The following PIGL variants were observed in gnomAD, a reference collection of about 807,000 sequenced individuals.
The protein encoded by PIGL is N-acetylglucosaminyl-phosphatidylinositol de-N-acetylase.
PIGL carries 22 observed loss-of-function variants against 31.1 expected under a neutral mutation model. The observed-to-expected ratio is 0.71, with a 90% confidence interval of 0.51 to 1.01. The LOEUF is 1.01. PIGL is among the 50% of genes least tolerant of loss of function. The pLI is 0.00. For synonymous variants in PIGL, 131 were observed against 117.4 expected, an observed-to-expected ratio of 1.12 and a Z score of -0.75; for missense variants, 302 against 315.9, an observed-to-expected ratio of 0.96 and a Z score of 0.33.
At chr17:16,247,804 A>C (rs1272450728) in intron 2 of PIGL, among the ~76,000 whole-genome samples, 1 of 152,068 alleles carries the variant, frequency 6.6e-6, no homozygotes, top group African/African-American at 2.4e-5. Context: ...GGTTGATTAC[A>C]TGTGTGGTTC....
At chr17:16,322,291 G>A (rs1448750409) in intron 6 of PIGL, among the ~76,000 whole-genome samples, 2 of 151,146 alleles carry the variant, frequency 1.3e-5, no homozygotes, top group South Asian at 2.1e-4. Flanking sequence ...ACTGGGTTTC[G>A]CCATGTTTGG....
At chr17:16,311,151 C>G (rs1428393588) in intron 3 of PIGL, among the ~76,000 whole-genome samples, 1 of 152,152 alleles carries the variant, frequency 6.6e-6, no homozygotes, top group Non-Finnish European at 1.5e-5. Flanking sequence ...AGGATGGTCA[C>G]CTTTCCTTGG....
chr17:16,228,381 A>ATTTAT (rs1325202255), intron 1 of PIGL, among the ~76,000 whole-genome samples: 2 of 150,976 alleles, frequency 1.3e-5, no homozygotes, highest in East Asian at 1.9e-4. Flanking sequence ...TTATTTCTTT[A>ATTTAT]TTTATTTTAT....
Position 16,326,077 on chromosome 17 carries a change from G to A in PIGL, c.*179G>A. The A allele has an allele frequency of 1.8e-6, 1 of 561,074 alleles. No individual in the cohort carries two copies. 34.8% of individuals were successfully genotyped at this position (561,074 alleles called of 1,614,324 possible). ...TCCAAACTCCAGCTTCTTCCCCTGG[G>A]AAAAAACCCAAAGAACCAAAAACAA... is the stretch of plus-strand genomic sequence containing the variant. On this transcript the variant is annotated 3_prime_UTR_variant, in exon 7 of 7. Transcript: ENST00000225609.
At chr17:16,240,426 C>T (rs768778923) in intron 2 of PIGL, among the ~76,000 whole-genome samples, 2 of 152,128 alleles carry the variant, frequency 1.3e-5, no homozygotes, top group Non-Finnish European at 2.9e-5. Flanking sequence ...AATCCTCCCA[C>T]CTCAGCCCCT....
At chr17:16,291,606 C>T (rs2092960948) in intron 2 of PIGL, among the ~76,000 whole-genome samples, 1 of 151,570 alleles carries the variant, frequency 6.6e-6, no homozygotes, top group African/African-American at 2.4e-5. Flanking sequence ...TGGCTCACAC[C>T]TGTAATCCCA....
At chr17:16,250,223 T>C (rs2092765461) in intron 2 of PIGL, among the ~76,000 whole-genome samples, 1 of 152,162 alleles carries the variant, frequency 6.6e-6, no homozygotes, top group African/African-American at 2.4e-5. Context: ...GTGCTGGGAT[T>C]ACAGGCATGA....
At chr17:16,217,643 G>A (rs931198558) in intron 1 of PIGL, 182 bp downstream of exon 1, 2 of 519,206 alleles carry the variant, frequency 3.9e-6, no homozygotes, top group South Asian at 3.1e-5. Flanking sequence ...GGTGGGTTGG[G>A]GGACGTCGGC....
intron 2 of PIGL, among the ~76,000 whole-genome samples, chr17:16,294,172 A>G (rs2092971923): frequency 6.6e-6 from 1 of 152,166 alleles, no homozygotes; most frequent in African/African-American, 2.4e-5. Flanking sequence ...AAGGACTCTC[A>G]GGCAGTCATC....
intron 1 of PIGL, among the ~76,000 whole-genome samples, chr17:16,218,739 C>T (rs960260203): frequency 2.8e-5 from 4 of 142,156 alleles, no homozygotes; most frequent in Admixed American, 1.5e-4. Flanking sequence ...AGTGCCGTGG[C>T]GTGATCTCGG....
At chr17:16,312,928 A>AGGGGGGGGG (rs869065594) in intron 3 of PIGL, 7 of 25,374 alleles carry the variant, frequency 2.8e-4, no homozygotes, top group African/African-American at 9.4e-4. Flanking sequence ...GGGAGGGGGA[A>AGGGGGGGGG]GGGGGGGGGA....
At chr17:16,251,545 C>A (rs931951160) in intron 2 of PIGL, among the ~76,000 whole-genome samples, 1 of 151,708 alleles carries the variant, frequency 6.6e-6, no homozygotes, top group African/African-American at 2.4e-5. Flanking sequence ...AGGAGCTCAC[C>A]CAAGTAAATC....
At chr17:16,309,604 A>T (rs531553908) in intron 3 of PIGL, among the ~76,000 whole-genome samples, 1 of 151,986 alleles carries the variant, frequency 6.6e-6, no homozygotes, top group South Asian at 2.1e-4. Context: ...TACCAAAAAT[A>T]TAAAAAATTA....
intron 1 of PIGL, among the ~76,000 whole-genome samples, chr17:16,227,521 G>A (rs1351549903): frequency 6.6e-6 from 1 of 151,212 alleles, no homozygotes; most frequent in Non-Finnish European, 1.5e-5. Context: ...TATAGCATGT[G>A]ACAATGTTTC....
intron 2 of PIGL, among the ~76,000 whole-genome samples, chr17:16,258,069 A>AAGAGAGAGAGAGAG (rs749459552): frequency 1.1e-5 from 1 of 90,548 alleles, no homozygotes; most frequent in African/African-American, 4.9e-5. Flanking sequence ...GTCAGAAAGA[A>AAGAGAGAGAGAGAG]AGAGAGAGAG....
At chr17:16,288,700 C>T (rs1303332616) in intron 2 of PIGL, among the ~76,000 whole-genome samples, 5 of 151,880 alleles carry the variant, frequency 3.3e-5, no homozygotes, top group African/African-American at 4.8e-5. Context: ...CCACTGTGCC[C>T]GGCTAATTTT....
chr17:16,261,105 T>G (rs1600792867), intron 2 of PIGL, among the ~76,000 whole-genome samples: 9 of 128,314 alleles, frequency 7.0e-5, no homozygotes, highest in East Asian at 2.1e-4. Flanking sequence ...GGCAACAGAG[T>G]GGGACTCTAT....
intron 6 of PIGL, among the ~76,000 whole-genome samples, chr17:16,320,258 G>A (rs1387962791): frequency 9.1e-6 from 1 of 109,366 alleles, no homozygotes; most frequent in Non-Finnish European, 1.9e-5. Context: ...AGGAAAGGAG[G>A]GAGGAAGGGG....
chr17:16,259,655 T>G (rs1408612692), intron 2 of PIGL, among the ~76,000 whole-genome samples: 1 of 152,176 alleles, frequency 6.6e-6, no homozygotes, highest in Non-Finnish European at 1.5e-5. Flanking sequence ...CTTCTTGAGC[T>G]TGGATTTGCT....
Sources: gnomAD v4.1 joint callset for allele counts (sites outside exome capture counted in the v4.1 genomes callset) on GRCh38, gnomAD v4.1.1 for gene constraint, MANE v1.5 for transcripts, NCBI Gene and HGNC (gene_info 2026-07-23, HGNC 2026-07-21) for gene names.